Variants in PHYHD1 observed in about 807,000 individuals in gnomAD.
PHYHD1 encodes phytanoyl-CoA dioxygenase domain containing 1.
Under a neutral mutation model 43.6 loss-of-function variants are expected in PHYHD1, and 42 were observed. The observed-to-expected ratio is 0.96, with a 90% CI of 0.75 to 1.25. The LOEUF is 1.25. Ranked by LOEUF, PHYHD1 falls within the 50% of genes most tolerant of loss-of-function variation. The pLI is 0.00. For missense variants in PHYHD1, 342 were observed against 370.8 expected, an observed-to-expected ratio of 0.92 and a Z score of 0.64; for synonymous variants, 139 against 143.6, an observed-to-expected ratio of 0.97 and a Z score of 0.23.
At chr9:128,928,822 C>T (rs1841202098) in intron 4 of PHYHD1, among the ~76,000 whole-genome samples, 2 of 152,102 alleles carry the variant, frequency 1.3e-5, no homozygotes, top group Non-Finnish European at 2.9e-5. Context: ...ACTCTTGATA[C>T]TGTGAGAAAA....
chr9:128,936,936 G>A (rs1027243986), intron 8 of PHYHD1, among the ~76,000 whole-genome samples: 12 of 151,904 alleles, frequency 7.9e-5, no homozygotes, highest in Non-Finnish European at 1.3e-4. Flanking sequence ...CCAACATGGA[G>A]AAACCCCATC....
At chr9:128,937,689 G>T in intron 8 of PHYHD1, 68 bp from the exon 9 acceptor site, 1 of 1,586,462 alleles carries the variant, frequency 6.3e-7, no homozygotes, top group South Asian at 1.1e-5. Flanking sequence ...AGCATCCTGG[G>T]AGTCTCAGCA....
At position 128,940,319 on chromosome 9, in the gene PHYHD1, G is replaced by A. The variant is rs561075025; in HGVS notation, c.458-50G>A. On this transcript the variant is annotated intron_variant, in intron 9 of 12. Transcript: ENST00000372592. ...GAATAGGTAATGAGGCCAAGGTGAG[G>A]TGGAAACAGGCAAAAGGATGAGCTC... is the stretch of plus-strand genomic sequence containing the variant. 25 of 1,608,262 alleles carry A rather than the reference G, an allele frequency of 1.6e-5. No individual in the cohort carries two copies. In the African/African-American group the frequency reaches 2.7e-4, roughly 17 times the overall value.
chr9:128,927,328 C>G, intron 4 of PHYHD1, 132 bp downstream of exon 4: 1 of 1,050,080 alleles, frequency 9.5e-7, no homozygotes, highest in Non-Finnish European at 1.4e-6. Context: ...CACACCTTTC[C>G]CTCGCTCCTC....
At chr9:128,934,395 TAA>T (rs57287662) in intron 6 of PHYHD1, among the ~76,000 whole-genome samples, 12 of 120,570 alleles carry the variant, frequency 1.0e-4, no homozygotes, top group Non-Finnish European at 8.9e-5. Context: ...GAAACCCTGT[TAA>T]AAAAAAAAAA....
intron 3 of PHYHD1, among the ~76,000 whole-genome samples, chr9:128,925,875 T>G (rs1257788460): frequency 1.3e-5 from 2 of 152,178 alleles, no homozygotes; most frequent in African/African-American, 4.8e-5. Context: ...GGTCCCCTCT[T>G]GAAATGTCAC....
In PHYHD1 at chr9:128,937,747, T is replaced by C. The variant is rs1214827521; in HGVS notation, c.436-10T>C. ...TTCTGTCCTCACCAGGCTTTTCCTC[T>C]CTCTTGCAGCAACCTCACTTTGGCG... On this transcript the variant is annotated splice_polypyrimidine_tract_variant and intron_variant, in intron 8 of 12. Coordinates refer to ENST00000372592, the MANE Select transcript of PHYHD1 (RefSeq NM_001100876.2). The C allele has an allele frequency of 1.9e-6, 3 of 1,613,794 alleles. No individual in the cohort carries two copies. The highest frequency in any genetic ancestry group is 1.7e-6 in the Non-Finnish European group (2 of 1,180,020).
intron 6 of PHYHD1, among the ~76,000 whole-genome samples, chr9:128,934,973 G>A (rs1175085875): frequency 6.6e-6 from 1 of 152,084 alleles, no homozygotes; most frequent in Non-Finnish European, 1.5e-5. Flanking sequence ...GCCTGGGGGA[G>A]CTCCTGGGTC....
intron 3 of PHYHD1, 120 bp from the exon 4 acceptor site, chr9:128,926,918 T>C (rs775309242): frequency 7.4e-7 from 1 of 1,360,298 alleles, no homozygotes; most frequent in Non-Finnish European, 1.1e-6. Flanking sequence ...TGCCTGGGGT[T>C]GGGGACAGGG....
At chr9:128,940,571 G>A in intron 10 of PHYHD1, 28 bp from the exon 11 acceptor site, 1 of 1,614,090 alleles carries the variant, frequency 6.2e-7, no homozygotes, top group Non-Finnish European at 8.5e-7. Flanking sequence ...GAAAGGAGGA[G>A]TTTAAGGCTC....
Position 128,936,590 on chromosome 9 carries a change from C to G in PHYHD1, c.380C>G (p.Ala127Gly). The change falls in exon 8 of 13, where the codon GCC becomes GGC. Residue 127 changes from alanine (A) to glycine (G), a missense_variant. Coordinates refer to ENST00000372592, the MANE Select transcript of PHYHD1 (RefSeq NM_001100876.2). ...ITHSFKVQTL[A>G]RSLGLQMPVV... is the part of the protein sequence containing the mutation. Reference sequence around the variant, plus strand: ...ACCTTTGCCCCCCTCCAGACCTTGGCCAGAAGTCTGGGCCTCCAGATGCCC... The same window carrying G: ...ACCTTTGCCCCCCTCCAGACCTTGGGCAGAAGTCTGGGCCTCCAGATGCCC... 6.3e-7 allele frequency: 1 copy of G among 1,581,314 alleles called. No homozygotes were observed. The highest frequency in any genetic ancestry group is 8.6e-7 in the Non-Finnish European group (1 of 1,163,024).
chr9:128,929,686 T>A (rs910827542), intron 4 of PHYHD1, among the ~76,000 whole-genome samples: 3 of 151,620 alleles, frequency 2.0e-5, no homozygotes, highest in Admixed American at 2.0e-4. Context: ...AAAAAAAAAA[T>A]TCATTTCAGT....
intron 3 of PHYHD1, among the ~76,000 whole-genome samples, chr9:128,925,136 T>G (rs1475304422): frequency 6.6e-6 from 1 of 152,028 alleles, no homozygotes; most frequent in Non-Finnish European, 1.5e-5. Context: ...AAGCCAGAAC[T>G]GAGCATCCCA....
At chr9:128,937,067 A>C (rs1841441461) in intron 8 of PHYHD1, among the ~76,000 whole-genome samples, 2 of 151,928 alleles carry the variant, frequency 1.3e-5, no homozygotes, top group Admixed American at 1.3e-4. Context: ...GTGAGTGGAG[A>C]TCACGCCAAT....
rs1564541199 is a variant in PHYHD1, at chr9:128,934,002, G to C, written c.269-9G>C. The C allele has an allele frequency of 3.1e-6, 5 of 1,613,860 alleles. No individual in the cohort carries two copies. The highest frequency in any genetic ancestry group is 4.2e-6 in the Non-Finnish European group (5 of 1,179,918). Reference sequence around the variant, plus strand: ...AGTTCTCTGCCTTTATCTGTTCTTTGTGCCACAGGAAATTTCCTGGTCCCT... The same window carrying C: ...AGTTCTCTGCCTTTATCTGTTCTTTCTGCCACAGGAAATTTCCTGGTCCCT... On this transcript the variant is annotated splice_polypyrimidine_tract_variant and intron_variant, in intron 5 of 12. Coordinates refer to ENST00000372592, the MANE Select transcript of PHYHD1 (RefSeq NM_001100876.2).
intron 4 of PHYHD1, among the ~76,000 whole-genome samples, chr9:128,933,220 C>A (rs889894999): frequency 2.1e-5 from 3 of 140,944 alleles, no homozygotes; most frequent in African/African-American, 7.9e-5. Context: ...ATAGTGCAAT[C>A]TCGGCTCACT....
rs1412253952 is a variant in PHYHD1 at position 128,921,966 on chromosome 9, C to G, written c.-123C>G. ...GAGAGAGGCAGGCGTTCCTCAGAGT[C>G]ACAGGGAATGGCGGCGCCTGGACTG... is the stretch of plus-strand genomic sequence containing the variant. On this transcript the variant is annotated 5_prime_UTR_variant, in exon 2 of 13. Coordinates refer to ENST00000372592, the MANE Select transcript of PHYHD1 (RefSeq NM_001100876.2). 1 of 305,450 alleles carries G rather than the reference C, an allele frequency of 3.3e-6. No homozygotes were observed. Among genetic ancestry groups the G allele is most frequent in the Non-Finnish European group, 6.1e-6 (1 of 163,956 alleles). 18.9% of individuals were successfully genotyped at this position (305,450 alleles called of 1,614,324 possible). A position where few individuals can be genotyped will look rare whatever the true frequency, so the allele number is the denominator to read the frequency against.
At chr9:128,938,881 C>T (rs1382941821) in intron 9 of PHYHD1, among the ~76,000 whole-genome samples, 2 of 131,200 alleles carry the variant, frequency 1.5e-5, no homozygotes, top group African/African-American at 2.5e-5. Flanking sequence ...GGGAGCTCAT[C>T]CCCTCCCAGG....
At chr9:128,927,293 C>T (rs1841161968) in intron 4 of PHYHD1, 97 bp downstream of exon 4, 2 of 1,506,204 alleles carry the variant, frequency 1.3e-6, no homozygotes, top group Middle Eastern at 2.3e-4. Flanking sequence ...TCCCAAGGCT[C>T]CAGGGTGTCA....
Sources: gnomAD v4.1 joint callset for allele counts (sites outside exome capture counted in the v4.1 genomes callset) on GRCh38, gnomAD v4.1.1 for gene constraint, MANE v1.5 for transcripts, NCBI Gene and HGNC (gene_info 2026-07-23, HGNC 2026-07-21) for gene names.